SUGCT: variants seen among roughly 807,000 people sequenced by gnomAD.
The protein encoded by SUGCT is succinyl-CoA:glutarate-CoA transferase.
In SUGCT, 41 loss-of-function variants were observed where a neutral mutation model predicts 55.0. That is an observed-to-expected ratio of 0.74 (90% CI 0.58 to 0.97). The LOEUF (loss-of-function observed/expected upper bound fraction) is 0.97. SUGCT is among the 50% of genes least tolerant of loss of function. The pLI is 0.00. For missense variants in SUGCT, 568 were observed against 547.8 expected (o/e 1.04, Z -0.37); for synonymous variants, 187 against 200.4 (o/e 0.93, Z 0.56).
At position 40,642,764 on chromosome 7, in the gene SUGCT, C is replaced by T. The variant is rs564915075; in HGVS notation, c.1090-106670C>T. ...TTTCATTGGATTTCATGTGATTCAA[C>T]CTGATTCTGCATGCAGTAGCCGAAT... is the stretch of plus-strand genomic sequence containing the variant. On this transcript the variant is annotated intron_variant, in intron 12 of 13. Transcript: ENST00000335693. Among the ~76,000 whole-genome samples the T allele has an allele frequency of 1.2e-4, 19 of 152,272 alleles. No individual in the cohort carries two copies. In the South Asian group the frequency reaches 3.7e-3, roughly 30 times the overall value.
intron 7 of SUGCT, among the ~76,000 whole-genome samples, chr7:40,242,934 T>TATATATATATATATGTATA (rs1491495282): frequency 5.0e-4 from 9 of 18,038 alleles, no homozygotes; most frequent in African/African-American, 1.5e-3. Flanking sequence ...TATATATATA[T>TATATATATATATATGTATA]TTTTTTTTTT....
chr7:40,345,799 T>G (rs1457078200), intron 9 of SUGCT, among the ~76,000 whole-genome samples: 1 of 152,134 alleles, frequency 6.6e-6, no homozygotes, highest in Non-Finnish European at 1.5e-5. Context: ...ACATTGTCTT[T>G]CCATTCCAAG....
intron 12 of SUGCT, among the ~76,000 whole-genome samples, chr7:40,640,417 A>G (rs1800218742): frequency 6.6e-6 from 1 of 152,016 alleles, no homozygotes; most frequent in African/African-American, 2.4e-5. Context: ...AGATACATGC[A>G]TGGCTAATTC....
chr7:40,136,465 A>G (rs1428958923), intron 1 of SUGCT, among the ~76,000 whole-genome samples: 1 of 152,152 alleles, frequency 6.6e-6, no homozygotes, highest in East Asian at 1.9e-4. Context: ...CTCAGCTTCT[A>G]TCCTCCTTGA....
At chr7:40,179,816 C>T (rs1056453596) in intron 1 of SUGCT, among the ~76,000 whole-genome samples, 4 of 152,194 alleles carry the variant, frequency 2.6e-5, no homozygotes, top group African/African-American at 9.6e-5. Flanking sequence ...TGTGTAAGCA[C>T]TTATCCTGCC....
intron 1 of SUGCT, among the ~76,000 whole-genome samples, chr7:40,168,138 G>T (rs1267591318): frequency 6.6e-6 from 1 of 152,190 alleles, no homozygotes; most frequent in Non-Finnish European, 1.5e-5. Flanking sequence ...TAGAAGCCCC[G>T]TGTTTAAAGG....
chr7:40,583,514 A>T (rs1797212186), intron 12 of SUGCT, among the ~76,000 whole-genome samples: 1 of 152,192 alleles, frequency 6.6e-6, no homozygotes, highest in Non-Finnish European at 1.5e-5. Context: ...AGTGTCATTG[A>T]GTCAATTATT....
intron 12 of SUGCT, among the ~76,000 whole-genome samples, chr7:40,527,672 A>G (rs1793874677): frequency 6.6e-6 from 1 of 152,192 alleles, no homozygotes; most frequent in Non-Finnish European, 1.5e-5. Context: ...CCTTTATAGA[A>G]GAAATTTGTT....
chr7:40,772,548 A>G (rs971693826), intron 13 of SUGCT, among the ~76,000 whole-genome samples: 165 of 144,866 alleles, frequency 1.1e-3, no homozygotes, highest in Non-Finnish European at 1.7e-3. Flanking sequence ...CTATCTATCT[A>G]TCTATCTATC....
At chr7:40,800,786 T>C (rs1428140332) in intron 13 of SUGCT, among the ~76,000 whole-genome samples, 2 of 152,170 alleles carry the variant, frequency 1.3e-5, no homozygotes, top group East Asian at 3.9e-4. Context: ...GATTTAATAA[T>C]AATAATCATA....
At chr7:40,449,402 CCAGGGAAAGTT>C in intron 10 of SUGCT, 44 bp downstream of exon 10, 1 of 1,500,122 alleles carries the variant, frequency 6.7e-7, no homozygotes, top group Non-Finnish European at 9.2e-7. Context: ...TTGTACAAAG[CCAGGGAAAGTT>C]CAGTTTTGCC....
chr7:41,023,456 T>A, the SUGCT span, among the ~76,000 whole-genome samples: 1 of 151,646 alleles, frequency 6.6e-6, no homozygotes, highest in Non-Finnish European at 1.5e-5. Flanking sequence ...TACAAATTAA[T>A]AAAAATATAG....
intron 6 of SUGCT, among the ~76,000 whole-genome samples, chr7:40,201,985 T>C (rs1037557551): frequency 1.3e-5 from 2 of 152,150 alleles, no homozygotes; most frequent in African/African-American, 2.4e-5. Context: ...TTCTTTTCTT[T>C]TCTTTTGAAA....
chr7:40,669,301 T>A (rs1801811463), intron 12 of SUGCT, among the ~76,000 whole-genome samples: 1 of 118,854 alleles, frequency 8.4e-6, no homozygotes, highest in Non-Finnish European at 1.7e-5. Flanking sequence ...AAGGTTTAAA[T>A]AAGGTCCAGA....
intron 7 of SUGCT, among the ~76,000 whole-genome samples, chr7:40,264,638 G>A (rs1305271682): frequency 2.6e-5 from 4 of 152,178 alleles, no homozygotes; most frequent in African/African-American, 9.7e-5. Context: ...AGGGCTACAA[G>A]TCATGAGAAT....
intron 8 of SUGCT, among the ~76,000 whole-genome samples, chr7:40,284,770 G>C (rs1473955848): frequency 1.3e-5 from 2 of 151,980 alleles, no homozygotes; most frequent in Non-Finnish European, 2.9e-5. Context: ...GAAAAAAAAG[G>C]ATCTGTTGTT....
In SUGCT at chr7:40,524,111, A is replaced by G. The variant is rs1247282713; in HGVS notation, c.1089+27725A>G. 2.6e-5 allele frequency among the ~76,000 whole-genome samples: 4 copies of G among 152,144 alleles called. No homozygotes were observed. The South Asian group carries it at 6.2e-4, about 24-fold the overall frequency. On this transcript the variant is annotated intron_variant, in intron 12 of 13. Transcript: ENST00000335693. ...GGCAGTTAAAAAAAATGTTTTGCAC[A>G]TTTACTTTACCCTTGTCCTTAGTTA...
rs188357214 is a variant in SUGCT, at chr7:40,245,863, A to G, written c.576+8137A>G. On this transcript the variant is annotated intron_variant, in intron 7 of 13. Coordinates refer to ENST00000335693, the MANE Select transcript of SUGCT (RefSeq NM_001193313.2). The stretch of plus-strand genomic sequence containing the variant: ...TTTATCATTTCTTTGCATTACAAAC[A>G]TTACAAGTCTTGCTCTGTTGCCCAG... Among the ~76,000 whole-genome samples, 615 of 152,030 alleles carry G rather than the reference A, an allele frequency of 4.0e-3. 4 individuals are homozygous for G. The highest frequency in any genetic ancestry group is 0.014 in the African/African-American group (587 of 41,476).
intron 12 of SUGCT, among the ~76,000 whole-genome samples, chr7:40,510,242 TTC>T (rs1403076681): frequency 2.6e-5 from 4 of 151,948 alleles, no homozygotes; most frequent in Admixed American, 6.6e-5. Context: ...ACATATATAA[TTC>T]TGTTTTTTTA....
Sources: gnomAD v4.1 joint callset for allele counts (sites outside exome capture counted in the v4.1 genomes callset) on GRCh38, gnomAD v4.1.1 for gene constraint, MANE v1.5 for transcripts, NCBI Gene and HGNC (gene_info 2026-07-23, HGNC 2026-07-21) for gene names.